Variants in KIF6 observed in about 807,000 individuals in gnomAD.
KIF6 encodes the protein kinesin-like protein KIF6.
KIF6 carries 106 observed loss-of-function variants against 112.7 expected under a neutral mutation model. The observed-to-expected ratio is 0.94, with a 90% CI of 0.80 to 1.11. The LOEUF (loss-of-function observed/expected upper bound fraction) is 1.11. Among genes scored for constraint, KIF6 ranks in the 50% least tolerant of loss-of-function variants. The pLI is 0.00. For missense variants in KIF6, 929 were observed against 964.0 expected (o/e 0.96, Z 0.48); for synonymous variants, 339 against 339.9 (o/e 1.00, Z 0.03).
chr6:39,633,256 C>T (rs941896707), intron 5 of KIF6, among the ~76,000 whole-genome samples: 1 of 152,046 alleles, frequency 6.6e-6, no homozygotes, highest in Non-Finnish European at 1.5e-5. Context: ...TCATCTGAAT[C>T]TAATCGACAT....
Position 39,343,692 on chromosome 6 carries a change from G to A in KIF6, c.2428+17C>T, listed in dbSNP as rs761855966. On this transcript the variant is annotated intron_variant, in intron 22 of 22. Transcript: ENST00000287152. This position sits in a 1 kb window ranked among gnomAD's most constrained non-coding sequence, Gnocchi z 4.1. The stretch of plus-strand genomic sequence containing the variant: ...GACCTGCTGCCCAGGAGGAGCCACC[G>A]AGGGAGGTGCACTTACATTGCTTCT... 2.2e-5 allele frequency: 35 copies of A among 1,575,738 alleles called. No individual in the cohort carries two copies. Among genetic ancestry groups the A allele is most frequent in the Non-Finnish European group, 2.8e-5 (32 of 1,154,624 alleles).
intron 10 of KIF6, among the ~76,000 whole-genome samples, chr6:39,546,905 G>C (rs1157281798): frequency 6.6e-6 from 1 of 151,716 alleles, no homozygotes; most frequent in Non-Finnish European, 1.5e-5. Context: ...GTATCAGAGG[G>C]AAATTCTTGG....
intron 15 of KIF6, among the ~76,000 whole-genome samples, chr6:39,391,150 A>G (rs75451099): frequency 0.019 from 2,870 of 152,302 alleles, 50 homozygotes; most frequent in Middle Eastern, 0.037. Context: ...TCAGGAAGAC[A>G]TTGTGGGATT....
At chr6:39,381,341 A>T (rs549657762) in intron 16 of KIF6, among the ~76,000 whole-genome samples, 1 of 152,198 alleles carries the variant, frequency 6.6e-6, no homozygotes, top group Non-Finnish European at 1.5e-5. Flanking sequence ...GAGTGAGAGA[A>T]AGTGAAAAGA....
intron 13 of KIF6, among the ~76,000 whole-genome samples, chr6:39,482,936 T>C (rs912245957): frequency 6.6e-6 from 1 of 152,238 alleles, no homozygotes; most frequent in Admixed American, 6.5e-5. Context: ...CCAGGTCTTA[T>C]GACCAACCTA....
chr6:39,700,560 A>G (rs764022778), intron 3 of KIF6, among the ~76,000 whole-genome samples: 2 of 152,230 alleles, frequency 1.3e-5, no homozygotes, highest in African/African-American at 4.8e-5. Context: ...CAAGAAACTG[A>G]AAGAAGCTTC....
intron 10 of KIF6, among the ~76,000 whole-genome samples, chr6:39,564,649 G>A (rs1780186148): frequency 6.6e-6 from 1 of 152,106 alleles, no homozygotes; most frequent in Non-Finnish European, 1.5e-5. Flanking sequence ...GGAAATGGGG[G>A]ATAGTTTCAT....
chr6:39,373,499 T>A (rs1010563486), intron 16 of KIF6, among the ~76,000 whole-genome samples: 5 of 152,156 alleles, frequency 3.3e-5, no homozygotes, highest in Non-Finnish European at 5.9e-5. Flanking sequence ...AAACTTTTGG[T>A]TGATAAGTGA....
At chr6:39,407,376 TG>T (rs1769167906) in intron 15 of KIF6, among the ~76,000 whole-genome samples, 1 of 152,226 alleles carries the variant, frequency 6.6e-6, no homozygotes, top group Admixed American at 6.5e-5. Flanking sequence ...GATGTCTTTT[TG>T]CCTGTTGAGT....
chr6:39,374,947 T>C (rs1304627309), intron 16 of KIF6, among the ~76,000 whole-genome samples: 1 of 152,212 alleles, frequency 6.6e-6, no homozygotes, highest in Non-Finnish European at 1.5e-5. Context: ...TTGTTCACAA[T>C]AGCCACGACA....
intron 13 of KIF6, among the ~76,000 whole-genome samples, chr6:39,533,792 C>A (rs562281083): frequency 3.9e-5 from 6 of 152,196 alleles, no homozygotes; most frequent in South Asian, 2.1e-4. Context: ...TCCCGAGCAG[C>A]CTAACTGGGA....
intron 3 of KIF6, among the ~76,000 whole-genome samples, chr6:39,703,613 T>C (rs1250864428): frequency 1.3e-5 from 2 of 152,214 alleles, no homozygotes; most frequent in East Asian, 3.8e-4. Flanking sequence ...CAGAAACACA[T>C]GGCCTAGTAT....
intron 9 of KIF6, among the ~76,000 whole-genome samples, chr6:39,582,662 G>A (rs1345157403): frequency 3.9e-5 from 6 of 152,038 alleles, no homozygotes; most frequent in South Asian, 2.1e-4. Flanking sequence ...TGATCCATCC[G>A]CCTCAGCCTC....
chr6:39,415,355 A>G (rs1193236957), intron 15 of KIF6, among the ~76,000 whole-genome samples: 1 of 150,932 alleles, frequency 6.6e-6, no homozygotes, highest in African/African-American at 2.4e-5. Flanking sequence ...ATACATCCCG[A>G]CAACACAGAT....
intron 13 of KIF6, among the ~76,000 whole-genome samples, chr6:39,445,111 T>C (rs562488372): frequency 6.6e-6 from 1 of 152,354 alleles, no homozygotes; most frequent in South Asian, 2.1e-4. Context: ...GTACGGTAAT[T>C]ATCTTTCCCC....
In KIF6 at chr6:39,482,840, G is replaced by C. The variant is rs116236706; in HGVS notation, c.1646-51679C>G. On this transcript the variant is annotated intron_variant, in intron 13 of 22. Transcript: ENST00000287152. ...GTCTGCCAAGGGCTCCGGGTACGAG[G>C]ACACATGTTCTATGGATTGGATGTG... is the stretch of plus-strand genomic sequence containing the variant. 4.0e-3 allele frequency among the ~76,000 whole-genome samples: 614 copies of C among 152,268 alleles called. 4 individuals carry two copies. The highest frequency in any genetic ancestry group is 0.014 in the Middle Eastern group (4 of 294).
intron 13 of KIF6, among the ~76,000 whole-genome samples, chr6:39,453,826 C>T (rs950967401): frequency 6.6e-6 from 1 of 152,126 alleles, no homozygotes; most frequent in African/African-American, 2.4e-5. Flanking sequence ...TAAAAATATT[C>T]CTTAATTATT....
chr6:39,344,080 C>T (rs1347517132), intron 21 of KIF6, among the ~76,000 whole-genome samples: 1 of 152,150 alleles, frequency 6.6e-6, no homozygotes, highest in Non-Finnish European at 1.5e-5. Context: ...TGAACTGTAG[C>T]TCCCATAATT....
At chr6:39,379,579 G>A (rs763857017) in intron 16 of KIF6, among the ~76,000 whole-genome samples, 85 of 152,348 alleles carry the variant, frequency 5.6e-4, no homozygotes, top group Non-Finnish European at 3.7e-4. Context: ...TTTGGGAGAA[G>A]GGGTCAGGGA....
Sources: gnomAD v4.1 joint callset for allele counts (sites outside exome capture counted in the v4.1 genomes callset) on GRCh38, gnomAD v4.1.1 for gene constraint, Gnocchi (gnomAD v3.1) non-coding constraint, MANE v1.5 for transcripts, NCBI Gene and HGNC (gene_info 2026-07-23, HGNC 2026-07-21) for gene names.